The following DIP2C variants were observed in gnomAD, a reference collection of about 807,000 sequenced individuals.
DIP2C encodes disco-interacting protein 2 homolog C.
In DIP2C, 33 loss-of-function variants were observed where a neutral mutation model predicts 192.4. The observed-to-expected ratio is 0.17, with a 90% CI of 0.13 to 0.23. The LOEUF is 0.23. DIP2C is among the 10% of genes least tolerant of loss of function. DIP2C has a pLI of 1.00. For missense variants in DIP2C, 1,537 were observed against 2,110.1 expected, an observed-to-expected ratio of 0.73 and a Z score of 5.32; for synonymous variants, 979 against 864.1, an observed-to-expected ratio of 1.13 and a Z score of -2.33.
chr10:589,078 A>C (rs1851255031), intron 1 of DIP2C, among the ~76,000 whole-genome samples: 1 of 151,900 alleles, frequency 6.6e-6, no homozygotes. Context: ...TCTCGCTGAA[A>C]CCAGTCGCAC....
chr10:674,789 T>TATATATATATATATATATATAG, intron 1 of DIP2C, among the ~76,000 whole-genome samples: 14 of 62,482 alleles, frequency 2.2e-4, no homozygotes, highest in East Asian at 1.1e-3. Flanking sequence ...TATATATATA[T>TATATATATATATATATATATAG]AGAGAGAGAG....
In DIP2C at chr10:345,070, C is replaced by T. The variant is rs145018455; in HGVS notation, c.3272G>A (p.Cys1091Tyr). The T allele has an allele frequency of 1.9e-6, 3 of 1,613,670 alleles. No homozygotes were observed. Among genetic ancestry groups the T allele is most frequent in the Non-Finnish European group, 2.5e-6 (3 of 1,179,970 alleles). The change falls in exon 27 of 37, where the codon TGT (cysteine) becomes TAT (tyrosine). Residue 1091 changes from cysteine (C) to tyrosine (Y), a missense_variant. Coordinates refer to ENST00000280886, the MANE Select transcript of DIP2C (RefSeq NM_014974.3). Reference protein sequence around the residue: ...SACLMTTQLICKLLRSREAAA... With the variant: ...SACLMTTQLIYKLLRSREAAA... ...CGCCTCCCTGGACCGCAGCAACTTA[C>T]AGATCAGCTGTGTCGTCATCAGACA...
At chr10:441,209 T>G in intron 3 of DIP2C, 1 of 562,952 alleles carries the variant, frequency 1.8e-6, no homozygotes, top group South Asian at 2.6e-5. Context: ...TACCACAGAA[T>G]CCATATCCAT....
intron 1 of DIP2C, among the ~76,000 whole-genome samples, chr10:568,789 A>AAACAAAC (rs1564208339): frequency 1.5e-4 from 21 of 140,546 alleles, no homozygotes; most frequent in Non-Finnish European, 2.5e-4. Flanking sequence ...AAAAAAAAAA[A>AAACAAAC]AAAAAAAAAC....
chr10:614,364 G>A (rs953129873), intron 1 of DIP2C, among the ~76,000 whole-genome samples: 3 of 152,360 alleles, frequency 2.0e-5, no homozygotes, highest in Middle Eastern at 3.4e-3. Flanking sequence ...GCCAGGCCTG[G>A]ACATGCACCT....
intron 1 of DIP2C, among the ~76,000 whole-genome samples, chr10:512,928 A>AAAAAAG (rs1846111164): frequency 6.6e-6 from 1 of 150,994 alleles, no homozygotes; most frequent in African/African-American, 2.4e-5. Context: ...TCAGGAAAAA[A>AAAAAAG]AAAAAAAAAA....
At chr10:281,078 G>A (rs1954794655) in intron 36 of DIP2C, 122 bp downstream of exon 36, 6 of 1,367,074 alleles carry the variant, frequency 4.4e-6, no homozygotes, top group East Asian at 4.7e-5. Flanking sequence ...ATAGTCAAAT[G>A]TTGAATCGCA....
chr10:288,534 C>G, intron 32 of DIP2C, 113 bp from the exon 33 acceptor site: 1 of 1,088,434 alleles, frequency 9.2e-7, no homozygotes, highest in Non-Finnish European at 1.4e-6. Context: ...TGATTCTGAG[C>G]ATCATCCAAC....
intron 32 of DIP2C, among the ~76,000 whole-genome samples, chr10:291,939 G>T (rs2132207384): frequency 6.6e-6 from 1 of 152,304 alleles, no homozygotes; most frequent in East Asian, 1.9e-4. Flanking sequence ...CATGGGGGAG[G>T]GAGAAATACA....
chr10:348,280 C>T (rs1181364024), intron 26 of DIP2C, among the ~76,000 whole-genome samples: 1 of 152,218 alleles, frequency 6.6e-6, no homozygotes, highest in African/African-American at 2.4e-5. Context: ...AGGAAACTTC[C>T]ACATCTTGAG....
chr10:619,533 G>GCCCT (rs1172584696), intron 1 of DIP2C, among the ~76,000 whole-genome samples: 3 of 38,828 alleles, frequency 7.7e-5, no homozygotes, highest in African/African-American at 3.0e-4. Context: ...GACCAAGCCC[G>GCCCT]CCCGCCCGCC....
intron 22 of DIP2C, among the ~76,000 whole-genome samples, chr10:361,336 G>T (rs948609170): frequency 2.0e-5 from 3 of 152,180 alleles, no homozygotes; most frequent in Admixed American, 1.3e-4. Context: ...GCAGTGTGAG[G>T]TTGCTGGCTC....
At chr10:400,094 G>A (rs950216819) in intron 9 of DIP2C, among the ~76,000 whole-genome samples, 3 of 152,096 alleles carry the variant, frequency 2.0e-5, no homozygotes, top group African/African-American at 7.2e-5. Context: ...ACCCAGGCTG[G>A]AGTGCAGTGG....
At chr10:383,589 A>G (rs1213263257) in intron 16 of DIP2C, among the ~76,000 whole-genome samples, 1 of 152,222 alleles carries the variant, frequency 6.6e-6, no homozygotes, top group Non-Finnish European at 1.5e-5. Context: ...ACTGATCAAG[A>G]AAACTACTAT....
At position 419,111 on chromosome 10, in the gene DIP2C, C is replaced by A; in HGVS notation, c.693G>T (p.Arg231=). 1 of 1,614,272 alleles carries A rather than the reference C, an allele frequency of 6.2e-7. No individual in the cohort carries two copies. Among genetic ancestry groups the A allele is most frequent in the Non-Finnish European group, 8.5e-7 (1 of 1,180,054 alleles). The change falls in exon 6 of 37, where the codon CGG becomes CGT. Residue 231 remains arginine, a synonymous_variant. Coordinates refer to ENST00000280886, the MANE Select transcript of DIP2C (RefSeq NM_014974.3). ...VERPQGSTGS[R]TAPKYGNAEL... ...CGGCGTTGCCGTACTTGGGCGCTGT[C>A]CGGGACCCCGTGGAACCCTGCGGTC...
At chr10:596,456 A>C (rs1348916742) in intron 1 of DIP2C, among the ~76,000 whole-genome samples, 1 of 125,248 alleles carries the variant, frequency 8.0e-6, no homozygotes, top group Non-Finnish European at 1.6e-5. Flanking sequence ...AGATCATGCC[A>C]TTGCACTTCA....
chr10:679,693 T>C (rs1272908668), intron 1 of DIP2C, among the ~76,000 whole-genome samples: 216 of 125,746 alleles, frequency 1.7e-3, no homozygotes, highest in Middle Eastern at 0.011. Context: ...CACACATATC[T>C]GTGCTCCCCA....
chr10:298,495 T>C (rs1185900255), intron 32 of DIP2C, among the ~76,000 whole-genome samples: 1 of 152,216 alleles, frequency 6.6e-6, no homozygotes, highest in Non-Finnish European at 1.5e-5. Context: ...GCTCAGCCCA[T>C]GCCAGAGAGG....
intron 8 of DIP2C, among the ~76,000 whole-genome samples, chr10:410,923 GT>G (rs1184979329): frequency 2.0e-5 from 3 of 152,250 alleles, no homozygotes; most frequent in Non-Finnish European, 4.4e-5. Flanking sequence ...GGAGATGTGT[GT>G]GATGTCAGCA....
Sources: gnomAD v4.1 joint callset for allele counts (sites outside exome capture counted in the v4.1 genomes callset) on GRCh38, gnomAD v4.1.1 for gene constraint, MANE v1.5 for transcripts, NCBI Gene and HGNC (gene_info 2026-07-23, HGNC 2026-07-21) for gene names.